PWP1: variants seen among roughly 807,000 people sequenced by gnomAD.
PWP1 encodes PWP1 homolog, endonuclein.
In PWP1, 47 loss-of-function variants were observed where a neutral mutation model predicts 69.9. The observed-to-expected ratio is 0.67, with a 90% CI of 0.53 to 0.86. The LOEUF (loss-of-function observed/expected upper bound fraction) is 0.86, where lower values mean the gene tolerates loss of function less well. Among genes scored for constraint, PWP1 ranks in the 40% least tolerant of loss-of-function variants. The pLI, the probability that PWP1 is intolerant of heterozygous loss-of-function variation, is 0.00. For synonymous variants in PWP1, 222 were observed against 208.2 expected, an observed-to-expected ratio of 1.07 and a Z score of -0.57; for missense variants, 551 against 608.8, an observed-to-expected ratio of 0.91 and a Z score of 1.00.
intron 7 of PWP1, 152 bp from the exon 8 acceptor site, chr12:107,699,221 T>C: frequency 1.7e-6 from 1 of 589,438 alleles, no homozygotes; most frequent in Non-Finnish European, 3.0e-6. Context: ...ATCGTGCAAC[T>C]GCACTCTAGC....
At chr12:107,696,433 T>G (rs1889590419) in intron 5 of PWP1, 41 bp from the exon 6 acceptor site, 1 of 1,598,656 alleles carries the variant, frequency 6.3e-7, no homozygotes, top group Non-Finnish European at 8.5e-7. Context: ...TTTTGATGAC[T>G]CATTCTGATA....
At chr12:107,697,218 A>C (rs542715315) in intron 6 of PWP1, among the ~76,000 whole-genome samples, 43 of 152,192 alleles carry the variant, frequency 2.8e-4, no homozygotes, top group South Asian at 1.5e-3. Flanking sequence ...AGCCTTTCCT[A>C]CTCAAATTGT....
At chr12:107,690,128 A>G (rs1416290488) in intron 3 of PWP1, among the ~76,000 whole-genome samples, 2 of 152,222 alleles carry the variant, frequency 1.3e-5, no homozygotes, top group Non-Finnish European at 2.9e-5. Context: ...CAAAATGTAG[A>G]TGATCGGAAA....
intron 6 of PWP1, among the ~76,000 whole-genome samples, chr12:107,696,966 G>A (rs902781596): frequency 6.6e-6 from 1 of 152,168 alleles, no homozygotes; most frequent in African/African-American, 2.4e-5. Context: ...AAATGAAGAG[G>A]CTTGTCACAA....
intron 3 of PWP1, 35 bp downstream of exon 3, chr12:107,688,837 A>G: frequency 1.3e-6 from 2 of 1,580,362 alleles, no homozygotes; most frequent in Non-Finnish European, 1.7e-6. Context: ...TTGTAATTAC[A>G]AGCTCAATAT....
At position 107,700,562 on chromosome 12, in the gene PWP1, G is replaced by A. The variant is rs564327009; in HGVS notation, c.806+1128G>A. On this transcript the variant is annotated intron_variant, in intron 8 of 14. Coordinates refer to ENST00000412830, the MANE Select transcript of PWP1 (RefSeq NM_007062.3). The stretch of plus-strand genomic sequence containing the variant: ...CCATTGTATGTAATGTATGTTACCC[G>A]TTCATTTACGTGTGGTCACCTGGAT... Among the ~76,000 whole-genome samples, 46 of 152,178 alleles carry A rather than the reference G, an allele frequency of 3.0e-4. 2 individuals are homozygous for A. Among genetic ancestry groups the A allele is most frequent in the Non-Finnish European group, 6.0e-4 (41 of 68,022 alleles).
chr12:107,686,585 C>T (rs1203308615), intron 1 of PWP1, among the ~76,000 whole-genome samples: 1 of 152,158 alleles, frequency 6.6e-6, no homozygotes, highest in African/African-American at 2.4e-5. Context: ...GCAGAGGTGA[C>T]GATTACTTAA....
In PWP1 at chr12:107,700,790, A is replaced by G. The variant is rs1196857380; in HGVS notation, c.806+1356A>G. On this transcript the variant is annotated intron_variant, in intron 8 of 14. Transcript: ENST00000412830. Reference sequence around the variant, plus strand: ...GCACCATTTTACATTTTCACCAACAATGCACACAAGGGCTCTAGTGTCTCC... The same window carrying G: ...GCACCATTTTACATTTTCACCAACAGTGCACACAAGGGCTCTAGTGTCTCC... Among the ~76,000 whole-genome samples the G allele has an allele frequency of 2.6e-5, 4 of 152,288 alleles. No homozygotes were observed. In the East Asian group the frequency reaches 5.8e-4, roughly 22 times the overall value.
intron 8 of PWP1, among the ~76,000 whole-genome samples, chr12:107,701,228 G>C (rs778880225): frequency 3.4e-4 from 51 of 152,126 alleles, no homozygotes; most frequent in Non-Finnish European, 6.9e-4. Flanking sequence ...CTGGGGCTCA[G>C]GTGATCCTCC....
At chr12:107,703,767 T>C (rs200668964) in intron 10 of PWP1, 21 bp downstream of exon 10, 2 of 1,565,970 alleles carry the variant, frequency 1.3e-6, no homozygotes, top group Non-Finnish European at 1.8e-6. Context: ...ACAGCAAGAA[T>C]GATTGCTACT....
chr12:107,708,864 T>A, intron 11 of PWP1, 62 bp from the exon 12 acceptor site: 5 of 1,449,124 alleles, frequency 3.5e-6, no homozygotes, highest in Non-Finnish European at 3.9e-6. Flanking sequence ...TGACTTAGAC[T>A]TTTTACCCAT....
At chr12:107,703,143 G>A (rs770246188) in intron 9 of PWP1, 112 bp downstream of exon 9, 23 of 788,244 alleles carry the variant, frequency 2.9e-5, no homozygotes, top group Non-Finnish European at 4.2e-5. Context: ...TCTGGCTTGC[G>A]GCATGCTTTC....
intron 1 of PWP1, chr12:107,686,279 A>G (rs1889363235): frequency 2.1e-6 from 1 of 487,614 alleles, no homozygotes. Context: ...GGTGGGTAAT[A>G]CCCCAAAAGG....
At chr12:107,703,272 T>A (rs1320113534) in intron 9 of PWP1, among the ~76,000 whole-genome samples, 1 of 152,184 alleles carries the variant, frequency 6.6e-6, no homozygotes, top group Non-Finnish European at 1.5e-5. Context: ...CCCTGTAACA[T>A]ATTTATAGAG....
At chr12:107,691,294 T>C (rs1171088784) in intron 3 of PWP1, among the ~76,000 whole-genome samples, 1 of 152,032 alleles carries the variant, frequency 6.6e-6, no homozygotes, top group African/African-American at 2.4e-5. Context: ...ACAGAGAAGG[T>C]GGATGGGCAG....
Position 107,685,867 on chromosome 12 carries a change from T to C in PWP1, c.-33T>C. 3 of 1,612,730 alleles carry C rather than the reference T, an allele frequency of 1.9e-6. No homozygotes were observed. In the African/African-American group the frequency reaches 4.0e-5, roughly 21 times the overall value. ...CGTGGTCCCTCCCTATGCAGCCTGG[T>C]TTCTAGCGTGACACGCCCTTGACTT... On this transcript the variant is annotated 5_prime_UTR_variant, in exon 1 of 15. Transcript: ENST00000412830.
chr12:107,712,156 C>CAAGAA lies in PWP1; in HGVS notation c.1444_1448dup (p.Asn483LysfsTer32). 8 of 1,614,018 alleles carry CAAGAA rather than the reference C, an allele frequency of 5.0e-6. No individual in the cohort carries two copies. The highest frequency in any genetic ancestry group is 6.8e-6 in the Non-Finnish European group (8 of 1,179,940). ...CGAGAGAGGCTTGTTCTTGGGAGTG[C>CAAGAA]AAGAAATTCATCTATTAGTGGCCCT... is the stretch of plus-strand genomic sequence containing the variant. On this transcript the variant is annotated frameshift_variant, in exon 15 of 15. Coordinates refer to ENST00000412830, the MANE Select transcript of PWP1 (RefSeq NM_007062.3). LOFTEE classifies it high-confidence loss of function.
At chr12:107,697,675 T>C (rs1358645378) in intron 7 of PWP1, 78 bp downstream of exon 7, 6 of 1,383,150 alleles carry the variant, frequency 4.3e-6, no homozygotes, top group Non-Finnish European at 6.1e-6. Flanking sequence ...GGTAAGACCG[T>C]ACACTTTTTC....
intron 11 of PWP1, among the ~76,000 whole-genome samples, chr12:107,706,539 A>G (rs1490815777): frequency 6.6e-6 from 1 of 151,996 alleles, no homozygotes; most frequent in Non-Finnish European, 1.5e-5. Context: ...TCTAACATTT[A>G]ATTTAAGTCT....
Sources: allele counts gnomAD v4.1 joint callset (sites outside exome capture counted in the v4.1 genomes callset), GRCh38; gene constraint gnomAD v4.1.1; transcripts MANE v1.5; gene names NCBI Gene and HGNC (gene_info 2026-07-23, HGNC 2026-07-21).